EXPH5: variants seen among roughly 807,000 people sequenced by gnomAD.
EXPH5 encodes the protein exophilin 5, also known as exophilin-5.
A neutral mutation model predicts 41.1 loss-of-function variants in EXPH5; 42 were observed. The observed-to-expected ratio is 1.02, with a 90% CI of 0.80 to 1.32. The LOEUF (loss-of-function observed/expected upper bound fraction) is 1.32. EXPH5 is among the 40% of genes most tolerant of loss of function. The pLI, the probability that EXPH5 is intolerant of heterozygous loss-of-function variation, is 0.00. For missense variants in EXPH5, 2,298 were observed against 2,314.5 expected (o/e 0.99, Z 0.15); for synonymous variants, 798 against 833.5 (o/e 0.96, Z 0.73).
intron 1 of EXPH5, among the ~76,000 whole-genome samples, chr11:108,568,558 G>A (rs375576883): frequency 6.3e-4 from 96 of 152,176 alleles, no homozygotes; most frequent in East Asian, 5.2e-3. Context: ...GACCTCAATC[G>A]CTGAGAAATA....
At chr11:108,556,850 A>G (rs1281378595) in intron 1 of EXPH5, among the ~76,000 whole-genome samples, 3 of 152,168 alleles carry the variant, frequency 2.0e-5, no homozygotes, top group Non-Finnish European at 4.4e-5. Context: ...TCCCTCCAGC[A>G]GCTTCTCATC....
intron 3 of EXPH5, among the ~76,000 whole-genome samples, chr11:108,532,356 ATATATATATATTTTTTTTTTTT>A (rs1252703116): frequency 4.0e-4 from 8 of 20,194 alleles, no homozygotes; most frequent in African/African-American, 1.3e-3. Context: ...ATATATATAT[ATATATATATATTTTTTTTTTTT>A]TTTTTTTTTT....
At chr11:108,562,728 C>G (rs998029436) in intron 1 of EXPH5, among the ~76,000 whole-genome samples, 2 of 152,042 alleles carry the variant, frequency 1.3e-5, no homozygotes, top group African/African-American at 2.4e-5. Context: ...TTTGGGAGGC[C>G]GAGGCAGGAG....
chr11:108,569,333 T>A (rs1230153531), intron 1 of EXPH5, among the ~76,000 whole-genome samples: 2 of 149,798 alleles, frequency 1.3e-5, no homozygotes, highest in African/African-American at 5.1e-5. Context: ...TTTCTATTTA[T>A]TTATTATTAT....
At chr11:108,594,186 A>G (rs1463278740), upstream of EXPH5, among the ~76,000 whole-genome samples, 2 of 152,218 alleles carry the variant, frequency 1.3e-5, no homozygotes, top group Non-Finnish European at 2.9e-5. Flanking sequence ...CTGACTGTGG[A>G]TGAACCTGGC....
At chr11:108,567,537 C>G (rs2094039806) in intron 1 of EXPH5, among the ~76,000 whole-genome samples, 1 of 152,164 alleles carries the variant, frequency 6.6e-6, no homozygotes, top group South Asian at 2.1e-4. Context: ...GCCTTATATT[C>G]TTGTTTGAAT....
chr11:108,527,398 GGAGAGA>G (rs140424664), intron 4 of EXPH5, among the ~76,000 whole-genome samples: 1 of 149,844 alleles, frequency 6.7e-6, no homozygotes. Context: ...AGAGAGGGAG[GGAGAGA>G]GAGAGAGAGA....
intron 1 of EXPH5, among the ~76,000 whole-genome samples, chr11:108,559,848 C>T (rs1565822131): frequency 6.6e-6 from 1 of 152,206 alleles, no homozygotes; most frequent in Admixed American, 6.5e-5. Flanking sequence ...GATGACATTA[C>T]TTTCACTTCT....
chr11:108,557,202 TTTTGTTTG>T (rs1192999644), intron 1 of EXPH5, among the ~76,000 whole-genome samples: 1 of 152,186 alleles, frequency 6.6e-6, no homozygotes, highest in Non-Finnish European at 1.5e-5. Context: ...CTTTTCTTTT[TTTTGTTTG>T]TTTGTTTGCT....
rs548865935 is a variant in EXPH5 at position 108,509,642 on chromosome 11, C to T, written c.5865G>A (p.Pro1955=). The T allele has an allele frequency of 7.4e-5, 120 of 1,613,648 alleles. No homozygotes were observed. Among genetic ancestry groups the T allele is most frequent in the South Asian group, 2.6e-4 (24 of 90,986 alleles). The part of the protein sequence containing the change: ...VPEDGLSPSE[P]LNIYEDDPVD... ...CTGGGTCATCCTCATAGATATTAAG[C>T]GGTTCACTTGGAGATAAGCCATCTT... The change falls in exon 6 of 6, where the codon CCG becomes CCA. Residue 1955 remains proline, a synonymous_variant. Transcript: ENST00000265843.
intron 1 of EXPH5, among the ~76,000 whole-genome samples, chr11:108,589,650 G>A (rs1447044877): frequency 3.2e-4 from 49 of 152,164 alleles, no homozygotes; most frequent in Admixed American, 3.2e-3. Context: ...ACGTTTATGA[G>A]CTGTGTGACC....
chr11:108,531,804 C>T (rs1380079478), intron 3 of EXPH5, among the ~76,000 whole-genome samples: 2 of 152,186 alleles, frequency 1.3e-5, no homozygotes, highest in African/African-American at 4.8e-5. Flanking sequence ...AATCTATGTC[C>T]TCCTTCCCTC....
chr11:108,555,745 G>A (rs2093986839), intron 1 of EXPH5, among the ~76,000 whole-genome samples: 1 of 152,066 alleles, frequency 6.6e-6, no homozygotes, highest in Non-Finnish European at 1.5e-5. Flanking sequence ...TTTATAAGGG[G>A]TTTATCTCAC....
chr11:108,529,887 G>C (rs2135989365), intron 3 of EXPH5, among the ~76,000 whole-genome samples: 1 of 151,476 alleles, frequency 6.6e-6, no homozygotes, highest in East Asian at 1.9e-4. Flanking sequence ...ATGACTGAGA[G>C]CTCTGTATGA....
At chr11:108,606,401 C>T in the EXPH5 span, among the ~76,000 whole-genome samples, 7 of 152,196 alleles carry the variant, frequency 4.6e-5, no homozygotes, top group Admixed American at 4.6e-4. Flanking sequence ...CTTACCCATC[C>T]TAAGTCTTGG....
intron 1 of EXPH5, among the ~76,000 whole-genome samples, chr11:108,572,888 C>G (rs927790388): frequency 1.3e-5 from 2 of 151,948 alleles, no homozygotes; most frequent in East Asian, 3.9e-4. Context: ...TAGTCATTTA[C>G]CTCTGCAATT....
intron 2 of EXPH5, among the ~76,000 whole-genome samples, chr11:108,539,904 G>A (rs535399449): frequency 1.4e-3 from 219 of 152,226 alleles, no homozygotes; most frequent in African/African-American, 5.1e-3. Flanking sequence ...ATCTGAAATT[G>A]GAAATACTTA....
intron 3 of EXPH5, among the ~76,000 whole-genome samples, chr11:108,531,785 C>T (rs1422798212): frequency 6.6e-6 from 1 of 152,204 alleles, no homozygotes; most frequent in East Asian, 1.9e-4. Context: ...TCCTACTTGT[C>T]CAAAACGGAA....
chr11:108,576,252 G>T (rs944993865), intron 1 of EXPH5, among the ~76,000 whole-genome samples: 3 of 152,050 alleles, frequency 2.0e-5, no homozygotes, highest in African/African-American at 7.2e-5. Context: ...TCAAGAAAAG[G>T]AATAAAGTAT....
Sources: gnomAD v4.1 joint callset for allele counts (sites outside exome capture counted in the v4.1 genomes callset) on GRCh38, gnomAD v4.1.1 for gene constraint, MANE v1.5 for transcripts, NCBI Gene and HGNC (gene_info 2026-07-23, HGNC 2026-07-21) for gene names.